BNC1: variants seen among roughly 807,000 people sequenced by gnomAD.
BNC1 encodes the protein basonuclin zinc finger protein 1, also known as zinc finger protein basonuclin-1.
BNC1 carries 8 observed loss-of-function variants against 66.5 expected under a neutral mutation model. The ratio of observed to expected loss-of-function variants is 0.12; its 90% CI spans 0.07 to 0.22. The LOEUF (loss-of-function observed/expected upper bound fraction) is 0.22, where lower values mean the gene tolerates loss of function less well. Ranked by LOEUF, BNC1 falls within the 10% of genes least tolerant of loss-of-function variation. The pLI, the probability that BNC1 is intolerant of heterozygous loss-of-function variation, is 1.00. For synonymous variants in BNC1, 454 were observed against 452.6 expected (o/e 1.00, Z -0.04); for missense variants, 1,069 against 1,241.3 (o/e 0.86, Z 2.09).
rs776946891 is a variant in BNC1, at chr15:83,262,922, G to GA, written c.2300+28dup. 5.8e-6 allele frequency: 9 copies of GA among 1,561,810 alleles called. No individual in the cohort carries two copies. In the South Asian group the frequency reaches 1.1e-4, roughly 19 times the overall value. On this transcript the variant is annotated intron_variant, in intron 4 of 4. Transcript: ENST00000345382. The stretch of plus-strand genomic sequence containing the variant: ...TTAAACTTGAAGAGCCACTGCCTTA[G>GA]AAAAAATGATTGCCTACAGATGCCT...
Position 83,267,052 on chromosome 15 carries a change from G to C in BNC1, c.219C>G (p.Ile73Met). 6.2e-7 allele frequency: 1 copy of C among 1,613,596 alleles called. No individual in the cohort carries two copies. Among genetic ancestry groups the C allele is most frequent in the Middle Eastern group, 1.6e-4 (1 of 6,062 alleles). ...CCTGGCTTGTTGGATACATGGGGGGGATCCTTAGCTTACTTAGAGCTGAAA... is the reference window on the plus strand; with the variant it reads ...CCTGGCTTGTTGGATACATGGGGGGCATCCTTAGCTTACTTAGAGCTGAAA... ...WVAHALSKLR[I>M]PPMYPTSQVE... The change falls in exon 3 of 5, where the codon ATC (isoleucine) becomes ATG (methionine). Residue 73 changes from isoleucine (I) to methionine (M), a missense_variant. Physicochemically the swap from Ile to Met is conservative, Grantham distance 10. Around this residue, in one of 7 missense-constraint regions of BNC1, gnomAD observed 30 missense variants for 20.2 expected, o/e 1.49. Coordinates refer to ENST00000345382, the MANE Select transcript of BNC1 (RefSeq NM_001717.4).
chr15:83,264,580 T>C lies in BNC1; in HGVS notation c.671A>G (p.Lys224Arg), dbSNP rs768727649. Residue 224 changes from lysine (K) to arginine (R), a missense_variant, in exon 4 of 5, where the codon AAA becomes AGA. By Grantham distance (26) the Lys-to-Arg change is conservative. Around this residue, in one of 7 missense-constraint regions of BNC1, gnomAD observed 181 missense variants for 181.5 expected, o/e 1.00. Transcript: ENST00000345382. ...GGGGTGTATACTGCTGGGGTTTCCT[T>C]TGTCCACAGGAGTGGGGAGGCTAGA... ...RSSSLPTPVD[K>R]GNPSSIHPFE... 8.1e-6 allele frequency: 13 copies of C among 1,613,990 alleles called. No homozygotes were observed. The East Asian group carries it at 2.9e-4, about 36-fold the overall frequency.
At position 83,269,809 on chromosome 15, in the gene BNC1, T is replaced by C. The variant is rs1339017346; in HGVS notation, c.100-1577A>G. ...CAGATTATTCACAATAGCCAAAAAG[T>C]AGAAAAAACCCCAACATCCATCAAC... On this transcript the variant is annotated intron_variant, in intron 1 of 4. Transcript: ENST00000345382. 2.0e-5 allele frequency among the ~76,000 whole-genome samples: 3 copies of C among 151,944 alleles called. No individual in the cohort carries two copies. The South Asian group carries it at 6.2e-4, about 32-fold the overall frequency.
Position 83,258,024 on chromosome 15 carries a change from A to G in BNC1, c.2403T>C (p.Ala801=), listed in dbSNP as rs765391905. ...AAGCCACATCCTGATAGGCTTCCTT[A>G]GCCACATCTTTCAGAAGGTAAGCTG... The part of the protein sequence containing the change: ...FRAAYLLKDV[A]KEAYQDVAFT... Residue 801 remains alanine (A), a synonymous_variant, in exon 5 of 5, where the codon GCT becomes GCC. Transcript: ENST00000345382. The G allele has an allele frequency of 9.3e-6, 15 of 1,614,066 alleles. No individual in the cohort carries two copies. The South Asian group carries it at 1.5e-4, about 17-fold the overall frequency.
intron 4 of BNC1, among the ~76,000 whole-genome samples, chr15:83,260,360 T>G (rs1204701742): frequency 6.6e-6 from 1 of 152,146 alleles, no homozygotes; most frequent in Non-Finnish European, 1.5e-5. Flanking sequence ...ATTTAAAGTT[T>G]TACAATTTTT....
Position 83,257,967 on chromosome 15 carries a change from G to C in BNC1, c.2460C>G (p.Ile820Met), listed in dbSNP as rs748753256. The change falls in exon 5 of 5, where the codon ATC becomes ATG. Residue 820 changes from isoleucine to methionine, a missense_variant. Physicochemically the swap from Ile to Met is conservative, Grantham distance 10 (BLOSUM62 1). Around this residue, in one of 7 missense-constraint regions of BNC1, gnomAD observed 657 missense variants for 715.8 expected, o/e 0.92. Coordinates refer to ENST00000345382, the MANE Select transcript of BNC1 (RefSeq NM_001717.4). ...TGCCCATTCGACTTGTTCCTTTGAA[G>C]ATGACAGATGTCTGGGAGGCTTGCT... is the stretch of plus-strand genomic sequence containing the variant. ...FTQQASQTSV[I>M]FKGTSRMGSL... is the part of the protein sequence containing the mutation. 3.1e-6 allele frequency: 5 copies of C among 1,614,206 alleles called. No individual in the cohort carries two copies. The highest frequency in any genetic ancestry group is 4.2e-6 in the Non-Finnish European group (5 of 1,180,026).
chr15:83,258,385 G>C (rs1166248893), intron 4 of BNC1, among the ~76,000 whole-genome samples: 2 of 152,210 alleles, frequency 1.3e-5, no homozygotes, highest in African/African-American at 4.8e-5. Context: ...TTGATTTCCA[G>C]TGTCTGTTTG....
In BNC1 at chr15:83,257,669, C is replaced by G. The variant is rs1248240947; in HGVS notation, c.2758G>C (p.Ala920Pro). ...VLMEKADQSL[A>P]SLPSGLPITC... ...ATGGGCAACCCAGAAGGCAGGCTAG[C>G]AAGGCTCTGGTCAGCCTTCTCCATC... Residue 920 changes from alanine (A) to proline (P), a missense_variant, in exon 5 of 5, where the codon GCT (alanine) becomes CCT (proline). Ala to Pro is a conservative substitution (Grantham distance 27). Around this residue, in one of 7 missense-constraint regions of BNC1, gnomAD observed 657 missense variants for 715.8 expected, o/e 0.92. Coordinates refer to ENST00000345382, the MANE Select transcript of BNC1 (RefSeq NM_001717.4). 1 of 1,614,102 alleles carries G rather than the reference C, an allele frequency of 6.2e-7. No individual in the cohort carries two copies. Among genetic ancestry groups the G allele is most frequent in the Non-Finnish European group, 8.5e-7 (1 of 1,180,006 alleles).
chr15:83,263,417 C>G lies in BNC1; in HGVS notation c.1834G>C (p.Glu612Gln), dbSNP rs1034688671. Residue 612 changes from glutamate (E) to glutamine (Q), a missense_variant, in exon 4 of 5, where the codon GAA (glutamate) becomes CAA (glutamine). This residue lies in a region of BNC1 where 657 missense variants were observed against 715.8 expected (regional missense o/e 0.92). Coordinates refer to ENST00000345382, the MANE Select transcript of BNC1 (RefSeq NM_001717.4). ...GCTCCACTGGACTCAATTACTGATT[C>G]ACGATGGCAGGGCCTCTCCCCTTCA... ...FPEGERPCHR[E>Q]SVIESSGAIS... The G allele has an allele frequency of 1.9e-6, 3 of 1,614,228 alleles. No individual in the cohort carries two copies. The highest frequency in any genetic ancestry group is 2.7e-5 in the African/African-American group (2 of 75,060).
rs754868504 is a variant in BNC1, at chr15:83,264,692, C to T, written c.559G>A (p.Glu187Lys). Residue 187 changes from glutamate to lysine, a missense_variant, in exon 4 of 5, where the codon GAG becomes AAG. Coordinates refer to ENST00000345382, the MANE Select transcript of BNC1 (RefSeq NM_001717.4). The stretch of plus-strand genomic sequence containing the variant: ...ATGATGATGGATTGCTCTTCTTTCT[C>T]TTGAATTGCCATGAGTTCAACTATA... ...KSIVELMAIQ[E>K]KEEQSIIIPP... The T allele has an allele frequency of 1.4e-5, 22 of 1,614,050 alleles. No individual in the cohort carries two copies. In the Admixed American group the frequency reaches 3.5e-4, roughly 26 times the overall value.
At chr15:83,283,077 C>A in intron 1 of BNC1, 2 of 1,523,182 alleles carry the variant, frequency 1.3e-6, no homozygotes, top group East Asian at 2.5e-5. Flanking sequence ...CCCCCGCCCC[C>A]CAACCACACA....
intron 1 of BNC1, among the ~76,000 whole-genome samples, chr15:83,277,662 C>T (rs565179581): frequency 6.6e-6 from 1 of 152,132 alleles, no homozygotes; most frequent in East Asian, 1.9e-4. Flanking sequence ...TTGTTGCTAA[C>T]GTGCATATCA....
intron 1 of BNC1, among the ~76,000 whole-genome samples, chr15:83,278,119 A>G (rs2038344891): frequency 6.6e-6 from 1 of 152,224 alleles, no homozygotes; most frequent in Non-Finnish European, 1.5e-5. Flanking sequence ...TAAGTCCTTT[A>G]ATGTGAGGCA....
At chr15:83,282,721 GAA>G (rs894704740) in intron 1 of BNC1, among the ~76,000 whole-genome samples, 1 of 151,984 alleles carries the variant, frequency 6.6e-6, no homozygotes, top group African/African-American at 2.4e-5. Context: ...AACAGCGAAT[GAA>G]AAAAAATCTG....
intron 4 of BNC1, 80 bp from the exon 5 acceptor site, chr15:83,258,206 G>A (rs918534170): frequency 8.5e-6 from 12 of 1,416,850 alleles, no homozygotes; most frequent in Non-Finnish European, 9.6e-6. Flanking sequence ...AGACTTGGTA[G>A]ATACCAGGAA....
At position 83,263,902 on chromosome 15, in the gene BNC1, C is replaced by T; in HGVS notation, c.1349G>A (p.Cys450Tyr). 1.2e-6 allele frequency: 2 copies of T among 1,614,212 alleles called. No individual in the cohort carries two copies. Among genetic ancestry groups the T allele is most frequent in the South Asian group, 1.1e-5 (1 of 91,082 alleles). Residue 450 changes from cysteine (C) to tyrosine (Y), a missense_variant, in exon 4 of 5, where the codon TGT (cysteine) becomes TAT (tyrosine). Cys to Tyr is a radical substitution (Grantham distance 194). Around this residue, in one of 7 missense-constraint regions of BNC1, gnomAD observed 657 missense variants for 715.8 expected, o/e 0.92. Transcript: ENST00000345382. ...CPGFTVTSPDCRPPPSYPGSG... is the reference protein window; with the variant it reads ...CPGFTVTSPDYRPPPSYPGSG... ...ACCAGGGTAGCTGGGAGGAGGCCTA[C>T]AGTCTGGGGACGTCACTGTGAAACC...
chr15:83,282,596 A>G (rs2038390340), intron 1 of BNC1, among the ~76,000 whole-genome samples: 1 of 152,242 alleles, frequency 6.6e-6, no homozygotes. Context: ...AAAGAGAGTC[A>G]GTGTATCCAT....
intron 1 of BNC1, among the ~76,000 whole-genome samples, chr15:83,273,957 T>C (rs2038293981): frequency 6.6e-6 from 1 of 152,236 alleles, no homozygotes; most frequent in East Asian, 1.9e-4. Flanking sequence ...AGTATGTGCA[T>C]ATACTTTCAT....
chr15:83,274,224 C>T (rs1056008696), intron 1 of BNC1, among the ~76,000 whole-genome samples: 10 of 152,008 alleles, frequency 6.6e-5, no homozygotes, highest in African/African-American at 2.2e-4. Flanking sequence ...CTCTACTAAA[C>T]AATACAAAAA....
Sources: allele counts gnomAD v4.1 joint callset (sites outside exome capture counted in the v4.1 genomes callset), GRCh38; gene constraint gnomAD v4.1.1; regional missense constraint gnomAD v4.1.1; transcripts MANE v1.5; gene names NCBI Gene and HGNC (gene_info 2026-07-23, HGNC 2026-07-21).